Variants in SCHIP1 observed in about 807,000 individuals in gnomAD.
The protein encoded by SCHIP1 is schwannomin-interacting protein 1.
A neutral mutation model predicts 29.7 loss-of-function variants in SCHIP1; 8 were observed. The observed-to-expected ratio is 0.27, with a 90% CI of 0.16 to 0.49. The LOEUF (loss-of-function observed/expected upper bound fraction) is 0.49. Ranked by LOEUF, SCHIP1 falls within the 20% of genes least tolerant of loss-of-function variation. The probability of loss-of-function intolerance (pLI) is 0.99; values close to 1 mark genes in which losing one functional copy is unlikely to be tolerated. For synonymous variants in SCHIP1, 76 were observed against 94.9 expected (o/e 0.80, Z 1.16); for missense variants, 193 against 294.6 (o/e 0.66, Z 2.52).
chr3:159,820,383 A>G, the SCHIP1 span, among the ~76,000 whole-genome samples: 1 of 152,214 alleles, frequency 6.6e-6, no homozygotes, highest in African/African-American at 2.4e-5. Flanking sequence ...CTAAGCCTAA[A>G]CACTTGAAAT....
the SCHIP1 span, among the ~76,000 whole-genome samples, chr3:159,277,541 T>C: frequency 6.6e-6 from 1 of 151,150 alleles, no homozygotes; most frequent in Non-Finnish European, 1.5e-5. Context: ...TACTGACCCC[T>C]GGGCAAGGGA....
At chr3:159,350,814 A>G in the SCHIP1 span, among the ~76,000 whole-genome samples, 1 of 152,258 alleles carries the variant, frequency 6.6e-6, no homozygotes, top group Middle Eastern at 3.4e-3. Context: ...ACAATGCACT[A>G]TTATTAACTA....
At chr3:159,681,695 A>G in the SCHIP1 span, among the ~76,000 whole-genome samples, 1 of 152,118 alleles carries the variant, frequency 6.6e-6, no homozygotes, top group Non-Finnish European at 1.5e-5. Context: ...TTCCTGGGCT[A>G]TTTCCCTCAA....
At chr3:159,308,977 A>T in the SCHIP1 span, among the ~76,000 whole-genome samples, 1 of 152,098 alleles carries the variant, frequency 6.6e-6, no homozygotes, top group African/African-American at 2.4e-5. Context: ...ACACACATAG[A>T]CATAAATATG....
chr3:159,423,799 G>A, the SCHIP1 span, among the ~76,000 whole-genome samples: 1 of 152,068 alleles, frequency 6.6e-6, no homozygotes, highest in Admixed American at 6.5e-5. Flanking sequence ...GCCTAACTGG[G>A]AGGCACCCCC....
the SCHIP1 span, among the ~76,000 whole-genome samples, chr3:159,627,788 A>G: frequency 1.3e-5 from 2 of 152,236 alleles, no homozygotes; most frequent in African/African-American, 2.4e-5. Flanking sequence ...AAGATCCCGA[A>G]GAGAAGAGAA....
At chr3:159,317,339 T>C in the SCHIP1 span, among the ~76,000 whole-genome samples, 3 of 152,212 alleles carry the variant, frequency 2.0e-5, no homozygotes, top group Non-Finnish European at 4.4e-5. Context: ...TTGTGTCTCC[T>C]GGTGGCAGTG....
rs143445726 is a variant in SCHIP1, at chr3:159,891,287, C to T, written c.590-810C>T. ...TCGGAAGGCTGAGGCAGTAGAATCA[C>T]TCGAACCCGGGAGGTGGAGGTTGCA... On this transcript the variant is annotated intron_variant, in intron 5 of 6. Transcript: ENST00000445224. 4.2e-3 allele frequency among the ~76,000 whole-genome samples: 641 copies of T among 152,192 alleles called. 2 individuals carry two copies. Among genetic ancestry groups the T allele is most frequent in the African/African-American group, 0.015 (604 of 41,488 alleles).
At chr3:159,336,524 G>A in the SCHIP1 span, among the ~76,000 whole-genome samples, 1 of 152,116 alleles carries the variant, frequency 6.6e-6, no homozygotes, top group African/African-American at 2.4e-5. Flanking sequence ...TTTTGTATAA[G>A]GTGTAAGGAA....
the SCHIP1 span, among the ~76,000 whole-genome samples, chr3:159,427,546 A>G: frequency 6.6e-6 from 1 of 152,042 alleles, no homozygotes; most frequent in South Asian, 2.1e-4. Context: ...GAAATTAGAG[A>G]ATACAAACAA....
intron 1 of SCHIP1, among the ~76,000 whole-genome samples, chr3:159,856,110 C>T (rs1287631446): frequency 2.6e-5 from 4 of 152,164 alleles, no homozygotes; most frequent in Non-Finnish European, 4.4e-5. Context: ...CTGCTGTGAG[C>T]AAGTTCTGAT....
At chr3:159,420,745 G>A in the SCHIP1 span, among the ~76,000 whole-genome samples, 1 of 152,138 alleles carries the variant, frequency 6.6e-6, no homozygotes, top group Non-Finnish European at 1.5e-5. Context: ...TCTTTTAAAT[G>A]TAATTGGTTC....
At chr3:159,588,674 T>C in the SCHIP1 span, among the ~76,000 whole-genome samples, 39 of 152,358 alleles carry the variant, frequency 2.6e-4, no homozygotes, top group African/African-American at 8.7e-4. Flanking sequence ...GTTTCAGCTT[T>C]CTACATATGG....
the SCHIP1 span, among the ~76,000 whole-genome samples, chr3:159,672,923 C>T: frequency 7.2e-4 from 109 of 152,224 alleles, no homozygotes; most frequent in African/African-American, 2.4e-3. Flanking sequence ...GTGGTGGTGG[C>T]GAGTACTGCA....
the SCHIP1 span, among the ~76,000 whole-genome samples, chr3:159,505,679 T>C: frequency 2.2e-4 from 33 of 152,036 alleles, no homozygotes; most frequent in African/African-American, 7.5e-4. Context: ...TGTCCAAGTG[T>C]TCTCATTGTT....
chr3:159,887,843 A>G, exon 4 of SCHIP1: 1 of 1,613,922 alleles, frequency 6.2e-7, no homozygotes, highest in African/African-American at 1.3e-5. Flanking sequence ...GGCCAAACCA[A>G]TGGCCAAAAT....
chr3:159,391,305 T>A, the SCHIP1 span, among the ~76,000 whole-genome samples: 1 of 152,200 alleles, frequency 6.6e-6, no homozygotes, highest in Non-Finnish European at 1.5e-5. Context: ...AAATGTTAGA[T>A]TTCAAGGTGG....
At chr3:159,656,339 T>A in the SCHIP1 span, among the ~76,000 whole-genome samples, 2 of 152,152 alleles carry the variant, frequency 1.3e-5, no homozygotes, top group Non-Finnish European at 2.9e-5. Flanking sequence ...AGTTACTTAG[T>A]GCAGAACTGG....
At chr3:159,542,124 T>C in the SCHIP1 span, among the ~76,000 whole-genome samples, 1 of 152,210 alleles carries the variant, frequency 6.6e-6, no homozygotes, top group East Asian at 1.9e-4. Flanking sequence ...ATTGTATTAG[T>C]AAATTGAAGC....
Sources: gnomAD v4.1 joint callset for allele counts (sites outside exome capture counted in the v4.1 genomes callset) on GRCh38, gnomAD v4.1.1 for gene constraint, MANE v1.5 for transcripts, NCBI Gene and HGNC (gene_info 2026-07-23, HGNC 2026-07-21) for gene names.